LMCD1: variants seen among roughly 807,000 people sequenced by gnomAD.
LMCD1 encodes the protein LIM and cysteine rich domains 1, also known as LIM and cysteine-rich domains protein 1.
In LMCD1, 32 loss-of-function variants were observed where a neutral mutation model predicts 42.7. The ratio of observed to expected loss-of-function variants is 0.75; its 90% CI spans 0.57 to 1.01. The LOEUF (loss-of-function observed/expected upper bound fraction) is 1.01. Among genes scored for constraint, LMCD1 ranks in the 50% least tolerant of loss-of-function variants. LMCD1 has a pLI of 0.00. For synonymous variants in LMCD1, 178 were observed against 184.9 expected (o/e 0.96, Z 0.30); for missense variants, 458 against 483.1 (o/e 0.95, Z 0.49).
intron 3 of LMCD1, among the ~76,000 whole-genome samples, chr3:8,541,732 G>C (rs1694631534): frequency 6.6e-6 from 1 of 152,216 alleles, no homozygotes; most frequent in African/African-American, 2.4e-5. Flanking sequence ...ATACCTGGGA[G>C]ATTCTGTTTC....
intron 2 of LMCD1, among the ~76,000 whole-genome samples, chr3:8,533,028 T>C (rs1250959019): frequency 1.3e-5 from 2 of 151,990 alleles, no homozygotes; most frequent in Non-Finnish European, 2.9e-5. Flanking sequence ...GCAGTAAAGA[T>C]GTGAAGAAGG....
chr3:8,537,047 A>G (rs1352467655), intron 2 of LMCD1, 138 bp from the exon 3 acceptor site: 3 of 919,452 alleles, frequency 3.3e-6, no homozygotes, highest in Non-Finnish European at 4.9e-6. Context: ...TTTTTGTCTC[A>G]GGTTACCATT....
intron 2 of LMCD1, among the ~76,000 whole-genome samples, chr3:8,536,469 TAC>T (rs1694509845): frequency 6.6e-6 from 1 of 152,148 alleles, no homozygotes; most frequent in African/African-American, 2.4e-5. Flanking sequence ...GCCTTCCCAA[TAC>T]ACATCCATCT....
At position 8,506,538 on chromosome 3, in the gene LMCD1, C is replaced by T. The variant is rs547272801; in HGVS notation, c.42+4558C>T. 2.6e-5 allele frequency among the ~76,000 whole-genome samples: 4 copies of T among 152,238 alleles called. No individual in the cohort carries two copies. The East Asian group carries it at 5.8e-4, about 22-fold the overall frequency. On this transcript the variant is annotated intron_variant, in intron 1 of 5. Coordinates refer to ENST00000157600, the MANE Select transcript of LMCD1 (RefSeq NM_014583.4). ...AGAGAAGTAAGGGAATAGTTCCTCTCGCAACTCACTAGAGCTGACAGGGCT... is the reference window on the plus strand; with the variant it reads ...AGAGAAGTAAGGGAATAGTTCCTCTTGCAACTCACTAGAGCTGACAGGGCT...
At position 8,572,144 on chromosome 3, in the gene LMCD1, G is replaced by A. The variant is rs1695229439; in HGVS notation, c.*4546G>A. ...GAATGTTCATGACCTTGACATCTTA[G>A]AAGATTAAAGGTTATTTAAAGTTGT... On this transcript the variant is annotated 3_prime_UTR_variant, in exon 6 of 6. Transcript: ENST00000157600. The A allele has an allele frequency of 6.6e-6, 1 of 152,178 alleles. No homozygotes were observed. 9.4% of individuals were successfully genotyped at this position (152,178 alleles called of 1,614,324 possible). A position where few individuals can be genotyped will look rare whatever the true frequency, so the allele number is the denominator to read the frequency against.
At chr3:8,508,923 C>T (rs143504678) in intron 1 of LMCD1, among the ~76,000 whole-genome samples, 97 of 152,270 alleles carry the variant, frequency 6.4e-4, no homozygotes, top group African/African-American at 2.1e-3. Context: ...GAAGCCACTT[C>T]GAGGAGCCGT....
chr3:8,551,375 C>T (rs928804823), intron 4 of LMCD1: 2 of 979,720 alleles, frequency 2.0e-6, no homozygotes, highest in Non-Finnish European at 1.2e-6. Context: ...TAAGCCCCTG[C>T]TCTGTGCCAA....
chr3:8,565,916 G>A (rs748756424), intron 5 of LMCD1, among the ~76,000 whole-genome samples: 17 of 152,220 alleles, frequency 1.1e-4, no homozygotes, highest in Non-Finnish European at 1.9e-4. Context: ...TCAGAACATA[G>A]CAGGATGAAC....
At chr3:8,564,714 C>G (rs557936361) in intron 4 of LMCD1, among the ~76,000 whole-genome samples, 1 of 152,346 alleles carries the variant, frequency 6.6e-6, no homozygotes, top group East Asian at 1.9e-4. Flanking sequence ...CACACTGCAA[C>G]TAACTTGAGA....
chr3:8,533,170 A>T (rs938473637), intron 2 of LMCD1, among the ~76,000 whole-genome samples: 1 of 152,042 alleles, frequency 6.6e-6, no homozygotes, highest in Non-Finnish European at 1.5e-5. Context: ...GGTTTGGTGG[A>T]TGGGGTGATC....
At chr3:8,550,233 C>T (rs952275392) in intron 4 of LMCD1, 28 of 1,089,318 alleles carry the variant, frequency 2.6e-5, no homozygotes, top group Non-Finnish European at 3.1e-5. Context: ...GCGTGTACTG[C>T]GTTTCTGGTC....
At position 8,565,620 on chromosome 3, in the gene LMCD1, G is replaced by A. The variant is rs1307871046; in HGVS notation, c.912G>A (p.Leu304=). 1 of 1,609,692 alleles carries A rather than the reference G, an allele frequency of 6.2e-7. No homozygotes were observed. Among genetic ancestry groups the A allele is most frequent in the Non-Finnish European group, 8.5e-7 (1 of 1,178,244 alleles). The change falls in exon 5 of 6, where the codon CTG becomes CTA. Residue 304 remains leucine (L), a synonymous_variant. Coordinates refer to ENST00000157600, the MANE Select transcript of LMCD1 (RefSeq NM_014583.4). ...PWCGRHYCES[L]RPRCSGCDEI... ...GCGGCCGCCATTACTGCGAGAGTCT[G>A]CGGCCCCGGTGCTCCGGCTGCGATG...
At chr3:8,560,887 C>G (rs1331726713) in intron 4 of LMCD1, among the ~76,000 whole-genome samples, 1 of 152,176 alleles carries the variant, frequency 6.6e-6, no homozygotes, top group Admixed American at 6.5e-5. Flanking sequence ...CAGGCACAGT[C>G]AGGATCCAGT....
chr3:8,517,469 A>G (rs1694121066), intron 1 of LMCD1, among the ~76,000 whole-genome samples: 1 of 152,224 alleles, frequency 6.6e-6, no homozygotes, highest in Non-Finnish European at 1.5e-5. Flanking sequence ...AACCTGTACT[A>G]TGTCTAACCT....
chr3:8,548,095 G>A (rs1256427364), intron 3 of LMCD1, among the ~76,000 whole-genome samples: 3 of 152,184 alleles, frequency 2.0e-5, no homozygotes, highest in African/African-American at 7.2e-5. Flanking sequence ...TGAAAATAGA[G>A]TATGATAATC....
intron 3 of LMCD1, among the ~76,000 whole-genome samples, chr3:8,538,006 G>A (rs995005367): frequency 6.6e-6 from 1 of 152,182 alleles, no homozygotes; most frequent in Non-Finnish European, 1.5e-5. Context: ...GGTCCAGAGA[G>A]AGCAAGTGAC....
Position 8,571,130 on chromosome 3 carries a change from T to G in LMCD1, c.*3532T>G, listed in dbSNP as rs908084730. 6.6e-6 allele frequency: 1 copy of G among 152,130 alleles called. No individual in the cohort carries two copies. The highest frequency in any genetic ancestry group is 1.5e-5 in the Non-Finnish European group (1 of 68,002). 9.4% of individuals were successfully genotyped at this position (152,130 alleles called of 1,614,324 possible). On this transcript the variant is annotated 3_prime_UTR_variant, in exon 6 of 6. Transcript: ENST00000157600. ...CTAGGAAGACTTTCCTCCCTCACCC[T>G]TCCCTTGGGGTGTTTTAGGTGCCCT...
rs76031344 is a variant in LMCD1 at position 8,531,957 on chromosome 3, T to G, written c.43-780T>G. Among the ~76,000 whole-genome samples, 1,248 of 152,282 alleles carry G rather than the reference T, an allele frequency of 8.2e-3. 14 individuals carry two copies. Among genetic ancestry groups the G allele is most frequent in the South Asian group, 1.0e-2 (48 of 4,824 alleles). ...CAGCAGATCCATATTACTAACCCACTTCTTCTCCAATGTTAATGTAATGCA... is the reference window on the plus strand; with the variant it reads ...CAGCAGATCCATATTACTAACCCACGTCTTCTCCAATGTTAATGTAATGCA... On this transcript the variant is annotated intron_variant, in intron 1 of 5. Coordinates refer to ENST00000157600, the MANE Select transcript of LMCD1 (RefSeq NM_014583.4).
intron 4 of LMCD1, chr3:8,549,832 G>A: frequency 1.4e-6 from 1 of 705,708 alleles, no homozygotes; most frequent in Middle Eastern, 2.3e-4. Flanking sequence ...ATGTGGCAAG[G>A]GGGCTGGGTG....
Sources: gnomAD v4.1 joint callset for allele counts (sites outside exome capture counted in the v4.1 genomes callset) on GRCh38, gnomAD v4.1.1 for gene constraint, MANE v1.5 for transcripts, NCBI Gene and HGNC (gene_info 2026-07-23, HGNC 2026-07-21) for gene names.